SEZ6L: variants seen among roughly 807,000 people sequenced by gnomAD.
The protein encoded by SEZ6L is seizure 6-like protein.
A neutral mutation model predicts 106.2 loss-of-function variants in SEZ6L; 37 were observed. The observed-to-expected ratio is 0.35, with a 90% CI of 0.27 to 0.46. The LOEUF is 0.46. Among genes scored for constraint, SEZ6L ranks in the 20% least tolerant of loss-of-function variants. The pLI, the probability that SEZ6L is intolerant of heterozygous loss-of-function variation, is 1.00. For synonymous variants in SEZ6L, 541 were observed against 570.4 expected (o/e 0.95, Z 0.73); for missense variants, 1,172 against 1,332.8 (o/e 0.88, Z 1.88).
At chr22:26,220,870 A>G (rs752974125) in intron 1 of SEZ6L, among the ~76,000 whole-genome samples, 7 of 149,996 alleles carry the variant, frequency 4.7e-5, no homozygotes, top group Non-Finnish European at 7.4e-5. Context: ...ATGTGCTTAC[A>G]TCACACAATA....
intron 10 of SEZ6L, among the ~76,000 whole-genome samples, chr22:26,342,712 G>A (rs1387758618): frequency 6.7e-6 from 1 of 149,630 alleles, no homozygotes. Flanking sequence ...AAAGAAAAAA[G>A]AAAAGAATTG....
intron 1 of SEZ6L, among the ~76,000 whole-genome samples, chr22:26,176,719 G>A (rs1939028641): frequency 6.6e-6 from 1 of 152,168 alleles, no homozygotes; most frequent in South Asian, 2.1e-4. Flanking sequence ...GTCAATATAT[G>A]TGCATATTCA....
chr22:26,348,646 A>AAGAAAGAAAGAGAAAG (rs1556371589), intron 11 of SEZ6L, among the ~76,000 whole-genome samples: 6 of 7,694 alleles, frequency 7.8e-4, no homozygotes, highest in East Asian at 0.01. Flanking sequence ...GAAAGAAAGA[A>AAGAAAGAAAGAGAAAG]AAAGAAAGAA....
chr22:26,208,449 A>G (rs574461521), intron 1 of SEZ6L, among the ~76,000 whole-genome samples: 4 of 152,152 alleles, frequency 2.6e-5, no homozygotes, highest in African/African-American at 9.6e-5. Context: ...AAGCTATTTT[A>G]CCTTGGTATA....
intron 1 of SEZ6L, among the ~76,000 whole-genome samples, chr22:26,187,275 G>A (rs1939844118): frequency 6.6e-6 from 1 of 152,184 alleles, no homozygotes; most frequent in South Asian, 2.1e-4. Context: ...CCCCTTCTCA[G>A]GCCTTGTGAG....
At chr22:26,253,435 AC>A (rs11303364) in intron 1 of SEZ6L, among the ~76,000 whole-genome samples, 18,951 of 151,440 alleles carry the variant, frequency 0.13, 1,580 homozygotes, top group East Asian at 0.35. Flanking sequence ...TGTTCCTTTT[AC>A]CCCCCTACTT....
intron 1 of SEZ6L, among the ~76,000 whole-genome samples, chr22:26,189,251 C>T (rs1321781076): frequency 6.6e-6 from 1 of 152,206 alleles, no homozygotes; most frequent in Non-Finnish European, 1.5e-5. Flanking sequence ...GATGAGGAAA[C>T]TGAAGCTCAG....
Position 26,299,156 on chromosome 22 carries a change from G to A in SEZ6L, c.1335G>A (p.Glu445=), listed in dbSNP as rs2081380488. The A allele has an allele frequency of 1.3e-6, 2 of 1,548,490 alleles. No individual in the cohort carries two copies. Among genetic ancestry groups the A allele is most frequent in the East Asian group, 2.4e-5 (1 of 41,406 alleles). Residue 445 remains glutamate, a synonymous_variant, in exon 5 of 17, where the codon GAG becomes GAA. Coordinates refer to ENST00000248933, the MANE Select transcript of SEZ6L (RefSeq NM_021115.5). The part of the protein sequence containing the change: ...NASKPHWSSQ[E]PICSAPCGGA... ...CCAAGCCGCACTGGAGCAGCCAGGAGCCCATCTGCTCAGGTATGCTCCAGC... is the reference window on the plus strand; with the variant it reads ...CCAAGCCGCACTGGAGCAGCCAGGAACCCATCTGCTCAGGTATGCTCCAGC...
intron 1 of SEZ6L, among the ~76,000 whole-genome samples, chr22:26,200,628 A>G (rs999614082): frequency 6.6e-6 from 1 of 152,226 alleles, no homozygotes; most frequent in African/African-American, 2.4e-5. Context: ...CTTTGGTCTC[A>G]GTTAATATGA....
At chr22:26,264,610 G>A (rs1276921411) in intron 1 of SEZ6L, among the ~76,000 whole-genome samples, 1 of 152,058 alleles carries the variant, frequency 6.6e-6, no homozygotes, top group Non-Finnish European at 1.5e-5. Context: ...TTCTCTAAAG[G>A]GCCAAATAGT....
At chr22:26,346,993 A>G (rs1015806009) in intron 10 of SEZ6L, among the ~76,000 whole-genome samples, 1 of 151,866 alleles carries the variant, frequency 6.6e-6, no homozygotes. Context: ...TAAGACTTCA[A>G]GACTGGCCCA....
intron 1 of SEZ6L, among the ~76,000 whole-genome samples, chr22:26,228,622 A>G (rs1011088273): frequency 4.6e-5 from 7 of 152,210 alleles, no homozygotes; most frequent in Non-Finnish European, 1.0e-4. Context: ...AAGATAGCAG[A>G]GATGATGGTG....
chr22:26,341,688 T>C (rs969658486), intron 10 of SEZ6L, among the ~76,000 whole-genome samples: 1 of 152,074 alleles, frequency 6.6e-6, no homozygotes, highest in African/African-American at 2.4e-5. Context: ...CCACCACCAC[T>C]ACCCAACAGC....
At position 26,292,574 on chromosome 22, in the gene SEZ6L, C is replaced by T; in HGVS notation, c.263C>T (p.Thr88Ile). ...EVLGELVLDG[T>I]APSAHHDIPA... ...CTGGGCGAGCTGGTGCTGGATGGGACCGCACCCTCTGCACATCACGACATC... is the reference window on the plus strand; with the variant it reads ...CTGGGCGAGCTGGTGCTGGATGGGATCGCACCCTCTGCACATCACGACATC... The change falls in exon 2 of 17, where the codon ACC becomes ATC. Residue 88 changes from threonine to isoleucine, a missense_variant. By Grantham distance (89) the Thr-to-Ile change is moderately conservative. Coordinates refer to ENST00000248933, the MANE Select transcript of SEZ6L (RefSeq NM_021115.5). The T allele has an allele frequency of 6.2e-7, 1 of 1,613,824 alleles. No homozygotes were observed. Among genetic ancestry groups the T allele is most frequent in the Non-Finnish European group, 8.5e-7 (1 of 1,179,898 alleles).
intron 5 of SEZ6L, among the ~76,000 whole-genome samples, chr22:26,301,000 T>C (rs1354724911): frequency 6.6e-6 from 1 of 152,262 alleles, no homozygotes; most frequent in African/African-American, 2.4e-5. Flanking sequence ...TTCTTTCTTG[T>C]GCTCTGAGTG....
At chr22:26,305,409 A>G (rs2081599991) in intron 5 of SEZ6L, among the ~76,000 whole-genome samples, 1 of 152,216 alleles carries the variant, frequency 6.6e-6, no homozygotes, top group Non-Finnish European at 1.5e-5. Context: ...AACAGTTTGC[A>G]TTCTAACCAG....
intron 1 of SEZ6L, among the ~76,000 whole-genome samples, chr22:26,264,696 T>A (rs1236155330): frequency 6.6e-6 from 1 of 152,090 alleles, no homozygotes; most frequent in Non-Finnish European, 1.5e-5. Context: ...CCTTAGACAA[T>A]ACATAAAAAG....
intron 5 of SEZ6L, among the ~76,000 whole-genome samples, chr22:26,303,720 A>G (rs1195118373): frequency 6.6e-6 from 1 of 152,192 alleles, no homozygotes; most frequent in Non-Finnish European, 1.5e-5. Flanking sequence ...TGGTAGTGTG[A>G]CTGAAAGCAA....
chr22:26,171,476 G>A (rs1163370839), intron 1 of SEZ6L, among the ~76,000 whole-genome samples: 2 of 151,610 alleles, frequency 1.3e-5, no homozygotes, highest in Non-Finnish European at 2.9e-5. Flanking sequence ...CTACCTCTGA[G>A]AACTCCACTC....
Sources: gnomAD v4.1 joint callset for allele counts (sites outside exome capture counted in the v4.1 genomes callset) on GRCh38, gnomAD v4.1.1 for gene constraint, MANE v1.5 for transcripts, NCBI Gene and HGNC (gene_info 2026-07-23, HGNC 2026-07-21) for gene names.